KHDC4: variants seen among roughly 807,000 people sequenced by gnomAD.
KHDC4 encodes the protein KH homology domain-containing protein 4.
A neutral mutation model predicts 74.5 loss-of-function variants in KHDC4; 19 were observed. The observed-to-expected ratio is 0.26, with a 90% confidence interval of 0.18 to 0.37. The LOEUF is 0.37. Among genes scored for constraint, KHDC4 ranks in the 10% least tolerant of loss-of-function variants. KHDC4 has a pLI of 1.00. For synonymous variants in KHDC4, 253 were observed against 266.1 expected (o/e 0.95, Z 0.48); for missense variants, 632 against 754.1 (o/e 0.84, Z 1.90).
chr1:155,920,436 CAA>C (rs896749720), intron 10 of KHDC4, among the ~76,000 whole-genome samples: 13 of 149,238 alleles, frequency 8.7e-5, no homozygotes, highest in African/African-American at 3.0e-4. Context: ...GACTCTGTCT[CAA>C]AAAAAAAATT....
At position 155,929,953 on chromosome 1, in the gene KHDC4, C is replaced by A. The variant is rs113335360; in HGVS notation, c.256-113G>T. ...CATTTTTTTGAGATGGAGTCTGTCGCCCAGGATGGAGTGCAGTGGCGTGAT... is the reference window on the plus strand; with the variant it reads ...CATTTTTTTGAGATGGAGTCTGTCGACCAGGATGGAGTGCAGTGGCGTGAT... On this transcript the variant is annotated intron_variant, in intron 2 of 13. Coordinates refer to ENST00000368321, the MANE Select transcript of KHDC4 (RefSeq NM_014949.4). 1,310 of 631,536 alleles carry A rather than the reference C, an allele frequency of 2.1e-3. 17 individuals carry two copies. The African/African-American group carries it at 0.024, about 12-fold the overall frequency. 39.1% of individuals were successfully genotyped at this position (631,536 alleles called of 1,614,324 possible).
intron 3 of KHDC4, 69 bp downstream of exon 3, chr1:155,929,639 CCTGT>C: frequency 4.0e-6 from 6 of 1,508,958 alleles, no homozygotes; most frequent in South Asian, 2.5e-5. Context: ...ATATCTGACG[CCTGT>C]CTATTTAGAG....
rs1673671348 is a variant in KHDC4, at chr1:155,913,450, GAAGGGCA to G, written c.*664_*670del. The G allele has an allele frequency of 6.6e-6, 1 of 152,376 alleles. No individual in the cohort carries two copies. 9.4% of individuals were successfully genotyped at this position (152,376 alleles called of 1,614,324 possible). ...TGACCCAGCTGAAGACAGGATCTTA[GAAGGGCA>G]ATAAAAACAGTAATGGCTATGAGAC... On this transcript the variant is annotated 3_prime_UTR_variant, in exon 14 of 14. Transcript: ENST00000368321.
rs762628463 is a variant in KHDC4, at chr1:155,925,664, T to C, written c.861A>G (p.Arg287=). ...AAATATACATAGGTTCAAAAGCTTC[T>C]CGGCCAGATGCTGGCTCAATGCAGC... The part of the protein sequence containing the change: ...GSGCIEPASG[R]EAFEPMYIYI... Residue 287 remains arginine (R), a synonymous_variant, in exon 7 of 14, where the codon CGA becomes CGG. Coordinates refer to ENST00000368321, the MANE Select transcript of KHDC4 (RefSeq NM_014949.4). The C allele has an allele frequency of 3.1e-6, 5 of 1,614,166 alleles. No individual in the cohort carries two copies. The East Asian group carries it at 1.1e-4, about 36-fold the overall frequency.
intron 6 of KHDC4, chr1:155,926,325 CTTTTTTTTTTT>C (rs34342755): frequency 6.2e-6 from 1 of 162,570 alleles, no homozygotes; most frequent in Non-Finnish European, 1.1e-5. Context: ...TTACTTGGCA[CTTTTTTTTTTT>C]TTTTTTTTTT....
At chr1:155,927,492 T>A (rs1385272329) in intron 4 of KHDC4, among the ~76,000 whole-genome samples, 3 of 152,030 alleles carry the variant, frequency 2.0e-5, no homozygotes, top group African/African-American at 7.2e-5. Context: ...TATAAACAAA[T>A]GTGGTCTCGT....
At chr1:155,917,434 T>C in intron 11 of KHDC4, 65 bp downstream of exon 11, 1 of 1,332,316 alleles carries the variant, frequency 7.5e-7, no homozygotes. Context: ...GAATTTATCT[T>C]TTTTAAAGGG....
chr1:155,919,554 T>C, intron 10 of KHDC4, among the ~76,000 whole-genome samples: 1 of 151,954 alleles, frequency 6.6e-6, no homozygotes, highest in East Asian at 1.9e-4. Flanking sequence ...CTCACGCCTG[T>C]AATCCCAGTA....
At chr1:155,920,385 C>T (rs1445687265) in intron 10 of KHDC4, among the ~76,000 whole-genome samples, 3 of 152,030 alleles carry the variant, frequency 2.0e-5, no homozygotes, top group Non-Finnish European at 4.4e-5. Context: ...TTGCAGTGAG[C>T]TGAGATGCGC....
chr1:155,918,543 A>G (rs1314943466), intron 10 of KHDC4, among the ~76,000 whole-genome samples: 1 of 152,208 alleles, frequency 6.6e-6, no homozygotes, highest in Non-Finnish European at 1.5e-5. Flanking sequence ...TACTTATACA[A>G]ACTTAGATGA....
At chr1:155,928,549 TAA>T (rs1203970517) in intron 4 of KHDC4, among the ~76,000 whole-genome samples, 1 of 124,642 alleles carries the variant, frequency 8.0e-6, no homozygotes, top group African/African-American at 3.1e-5. Flanking sequence ...TGAAACAGAT[TAA>T]GTCTTTACCT....
chr1:155,929,520 T>A lies in KHDC4; in HGVS notation c.385-145A>T, dbSNP rs1674098448. The stretch of plus-strand genomic sequence containing the variant: ...CTGAAATTTTGATTCCATGGTTTCT[T>A]ACTCAAACCAACCCAGAGAATTCAT... On this transcript the variant is annotated intron_variant, in intron 3 of 13. Coordinates refer to ENST00000368321, the MANE Select transcript of KHDC4 (RefSeq NM_014949.4). 4 of 992,074 alleles carry A rather than the reference T, an allele frequency of 4.0e-6. No individual in the cohort carries two copies. The East Asian group carries it at 1.0e-4, about 25-fold the overall frequency. The allele number at this position is 992,074 out of a possible 1,614,324, so 61.5% of individuals were successfully genotyped here. A position where few individuals can be genotyped will look rare whatever the true frequency, so the allele number is the denominator to read the frequency against.
Position 155,921,484 on chromosome 1 carries a change from G to C in KHDC4, c.1157C>G (p.Pro386Arg), listed in dbSNP as rs776812398. The C allele has an allele frequency of 1.9e-6, 3 of 1,614,092 alleles. No individual in the cohort carries two copies. In the Admixed American group the frequency reaches 5.0e-5, roughly 27 times the overall value. ...PPYGVPSIVPPAVSLAPGVLP... is the reference protein window; with the variant it reads ...PPYGVPSIVPRAVSLAPGVLP... ...GACTCCAGGTGCTAATGAAACAGCT[G>C]GTGGCACTATGCTTGGTACTCCGTA... The change falls in exon 10 of 14, where the codon CCA becomes CGA. Residue 386 changes from proline (P) to arginine (R), a missense_variant. Physicochemically the swap from Pro to Arg is moderately radical, Grantham distance 103 (BLOSUM62 -2). Transcript: ENST00000368321.
At position 155,925,790 on chromosome 1, in the gene KHDC4, A is replaced by G; in HGVS notation, c.735T>C (p.Thr245=). 4 of 1,614,224 alleles carry G rather than the reference A, an allele frequency of 2.5e-6. No individual in the cohort carries two copies. Among genetic ancestry groups the G allele is most frequent in the Non-Finnish European group, 3.4e-6 (4 of 1,180,024 alleles). Residue 245 remains threonine (T), a synonymous_variant, in exon 7 of 14, where the codon ACT becomes ACC. Transcript: ENST00000368321. ...CTTCCACCTTCTCCTTGACATTAAA[A>G]GTGGGTACAGCATGTTCTAGACCCA... is the stretch of plus-strand genomic sequence containing the variant. ...LFVGLEHAVP[T]FNVKEKVEGP...
Position 155,921,970 on chromosome 1 carries a change from T to C in KHDC4, c.955-52A>G, listed in dbSNP as rs781293698. 12 of 1,129,254 alleles carry C rather than the reference T, an allele frequency of 1.1e-5. No individual in the cohort carries two copies. The East Asian group carries it at 2.4e-4, about 22-fold the overall frequency. The allele number at this position is 1,129,254 out of a possible 1,614,324, so 70.0% of individuals were successfully genotyped here. A position where few individuals can be genotyped will look rare whatever the true frequency, so the allele number is the denominator to read the frequency against. ...CATGGGACAGCCGAAGCTGTGCATT[T>C]ACAAGGGTCTGATTACATAATTCTA... On this transcript the variant is annotated intron_variant, in intron 8 of 13. Transcript: ENST00000368321.
chr1:155,925,883 A>G (rs759503456), intron 6 of KHDC4, 40 bp from the exon 7 acceptor site: 2 of 1,423,248 alleles, frequency 1.4e-6, no homozygotes, highest in South Asian at 1.2e-5. Context: ...AACAGAATAT[A>G]TAATTAAATC....
At position 155,917,748 on chromosome 1, in the gene KHDC4, A is replaced by T. The variant is rs375591848; in HGVS notation, c.1267-76T>A. The T allele has an allele frequency of 3.2e-4, 375 of 1,186,890 alleles. 3 individuals carry two copies. The African/African-American group carries it at 5.3e-3, about 17-fold the overall frequency. 73.5% of individuals were successfully genotyped at this position (1,186,890 alleles called of 1,614,324 possible). ...AATAAGTAAACAATGATTACAATATACTTTAAGGATCAATAAGTATCATAT... is the reference window on the plus strand; with the variant it reads ...AATAAGTAAACAATGATTACAATATTCTTTAAGGATCAATAAGTATCATAT... On this transcript the variant is annotated intron_variant, in intron 10 of 13. Coordinates refer to ENST00000368321, the MANE Select transcript of KHDC4 (RefSeq NM_014949.4).
Position 155,929,370 on chromosome 1 carries a change from G to A in KHDC4, c.390C>T (p.Ser130=). The change falls in exon 4 of 14, where the codon AGC becomes AGT. Residue 130 remains serine (S), a synonymous_variant. Coordinates refer to ENST00000368321, the MANE Select transcript of KHDC4 (RefSeq NM_014949.4). ...TTGATACTGCAGCCCCACTAAGTCG[G>A]CTGATCTAAAAAAGGAAATGTTCAA... ...LTRGQTQDEI[S]RLSGAAVSTR... The A allele has an allele frequency of 6.2e-7, 1 of 1,612,492 alleles. No individual in the cohort carries two copies.
intron 4 of KHDC4, among the ~76,000 whole-genome samples, chr1:155,927,417 TC>T (rs1364156555): frequency 2.6e-5 from 4 of 152,190 alleles, no homozygotes; most frequent in Non-Finnish European, 5.9e-5. Flanking sequence ...ACCATTATTT[TC>T]CAGTCTATTG....
Sources: gnomAD v4.1 joint callset for allele counts (sites outside exome capture counted in the v4.1 genomes callset) on GRCh38, gnomAD v4.1.1 for gene constraint, MANE v1.5 for transcripts, NCBI Gene and HGNC (gene_info 2026-07-23, HGNC 2026-07-21) for gene names.